Variants in MAPK8IP2 observed in about 807,000 individuals in gnomAD.
The protein encoded by MAPK8IP2 is C-Jun-amino-terminal kinase-interacting protein 2.
Under a neutral mutation model 75.6 loss-of-function variants are expected in MAPK8IP2, and 15 were observed. The observed-to-expected ratio is 0.20, with a 90% confidence interval of 0.13 to 0.31. MAPK8IP2 has a LOEUF of 0.31. Ranked by LOEUF, MAPK8IP2 falls within the 10% of genes least tolerant of loss-of-function variation. MAPK8IP2 has a pLI of 1.00. For missense variants in MAPK8IP2, 1,089 were observed against 1,211.2 expected (o/e 0.90, Z 1.50); for synonymous variants, 632 against 554.5 (o/e 1.14, Z -1.96).
Position 50,607,568 on chromosome 22 carries a change from C to T in MAPK8IP2, c.2303+577C>T, listed in dbSNP as rs568709111. Among the ~76,000 whole-genome samples, 1 of 152,010 alleles carries T rather than the reference C, an allele frequency of 6.6e-6. No homozygotes were observed. The highest frequency in any genetic ancestry group is 2.4e-5 in the African/African-American group (1 of 41,420). On this transcript the variant is annotated intron_variant, in intron 10 of 11. Coordinates refer to ENST00000329492, the MANE Select transcript of MAPK8IP2 (RefSeq NM_012324.6). This position sits in a 1 kb window ranked among gnomAD's most constrained non-coding sequence, Gnocchi z 5.6. ...TGCTGAGGTTATACAGGTGCTATGT[C>T]CTGAGACCAAGTGTGCAGATGCAAG...
At chr22:50,609,348 G>T (rs1206678652) in intron 10 of MAPK8IP2, among the ~76,000 whole-genome samples, 1 of 152,168 alleles carries the variant, frequency 6.6e-6, no homozygotes, top group South Asian at 2.1e-4. Flanking sequence ...TACCTCAGAG[G>T]GCTGTTGTGA....
At position 50,600,902 on chromosome 22, in the gene MAPK8IP2, G is replaced by C; in HGVS notation, c.65+19G>C. 8.4e-7 allele frequency: 1 copy of C among 1,184,228 alleles called. No individual in the cohort carries two copies. The highest frequency in any genetic ancestry group is 1.1e-6 in the Non-Finnish European group (1 of 923,534). 73.4% of individuals were successfully genotyped at this position (1,184,228 alleles called of 1,614,324 possible). A position where few individuals can be genotyped will look rare whatever the true frequency, so the allele number is the denominator to read the frequency against. On this transcript the variant is annotated intron_variant, in intron 1 of 11. Coordinates refer to ENST00000329492, the MANE Select transcript of MAPK8IP2 (RefSeq NM_012324.6). ...GCTGCAGGTACCCCCCTCGGCGCCC[G>C]GGCCGGGCGGACCCTCCGCTCCCTG...
rs756103129 is a variant in MAPK8IP2 at position 50,603,213 on chromosome 22, C to G, written c.172-10C>G. The G allele has an allele frequency of 5.0e-6, 8 of 1,611,966 alleles. 1 individual carries two copies. The highest frequency in any genetic ancestry group is 4.4e-5 in the South Asian group (4 of 90,910). The stretch of plus-strand genomic sequence containing the variant: ...CTGGCCCAGCCCTGCTATCTCCCTC[C>G]GTCCTGCAGGACAGCCTCTCCCTGG... On this transcript the variant is annotated splice_polypyrimidine_tract_variant and intron_variant, in intron 2 of 11. Transcript: ENST00000329492.
intron 10 of MAPK8IP2, chr22:50,609,698 G>A (rs1166467867): frequency 2.0e-6 from 1 of 493,540 alleles, no homozygotes; most frequent in Non-Finnish European, 4.0e-6. Context: ...GAGGAGCTGG[G>A]CAGTGACTCC....
intron 8 of MAPK8IP2, 69 bp from the exon 9 acceptor site, chr22:50,606,589 C>T: frequency 4.6e-6 from 5 of 1,081,332 alleles, no homozygotes; most frequent in Non-Finnish European, 7.0e-6. Context: ...GAGGCGTAGT[C>T]CCACCAAGGG....
Position 50,612,983 on chromosome 22 carries a change from C to T in MAPK8IP2, c.*2204C>T, listed in dbSNP as rs2071175346. ...GTTGGACGTGCTCGTGAGTCCTTCG[C>T]CTGTCTGCCTTCCACCTCTCTGCAG... On this transcript the variant is annotated 3_prime_UTR_variant, in exon 12 of 12. Transcript: ENST00000329492. 1 of 113,986 alleles carries T rather than the reference C, an allele frequency of 8.8e-6. No homozygotes were observed. The highest frequency in any genetic ancestry group is 3.3e-5 in the African/African-American group (1 of 30,522). 7.1% of individuals were successfully genotyped at this position (113,986 alleles called of 1,614,324 possible).
rs557032036 is a variant in MAPK8IP2, at chr22:50,613,477, C to G, written c.*2698C>G. ...CCCTCTTCTGCCTGGATCAAACCAC[C>G]CTGACTTTCCTGGGTCTTCGTGCAA... is the stretch of plus-strand genomic sequence containing the variant. On this transcript the variant is annotated 3_prime_UTR_variant, in exon 12 of 12. Coordinates refer to ENST00000329492, the MANE Select transcript of MAPK8IP2 (RefSeq NM_012324.6). 3 of 152,722 alleles carry G rather than the reference C, an allele frequency of 2.0e-5. No homozygotes were observed. Among genetic ancestry groups the G allele is most frequent in the South Asian group, 4.1e-4 (2 of 4,834 alleles). The allele number at this position is 152,722 out of a possible 1,614,324, so 9.5% of individuals were successfully genotyped here. A position where few individuals can be genotyped will look rare whatever the true frequency, so the allele number is the denominator to read the frequency against.
At position 50,605,447 on chromosome 22, in the gene MAPK8IP2, CG is replaced by C. The variant is rs751250950; in HGVS notation, c.1841+6del. On this transcript the variant is annotated splice_donor_5th_base_variant and intron_variant, in intron 6 of 11. Transcript: ENST00000329492. ...AGACTCACCGGGCTGTGTTCAGGTA[CG>C]GCCTCCCTCCTTGCTGGCGGTGGCC... is the stretch of plus-strand genomic sequence containing the variant. 2.0e-5 allele frequency: 32 copies of C among 1,613,484 alleles called. No individual in the cohort carries two copies. The South Asian group carries it at 3.4e-4, about 17-fold the overall frequency.
intron 5 of MAPK8IP2, 71 bp downstream of exon 5, chr22:50,605,135 T>C: frequency 6.5e-7 from 1 of 1,548,048 alleles, no homozygotes; most frequent in Non-Finnish European, 8.9e-7. Context: ...AGTCCCAGGG[T>C]CCCCCACAGT....
At position 50,607,316 on chromosome 22, in the gene MAPK8IP2, C is replaced by T. The variant is rs4824114; in HGVS notation, c.2303+325C>T. Among the ~76,000 whole-genome samples, 1 of 151,940 alleles carries T rather than the reference C, an allele frequency of 6.6e-6. No individual in the cohort carries two copies. Among genetic ancestry groups the T allele is most frequent in the Non-Finnish European group, 1.5e-5 (1 of 67,970 alleles). On this transcript the variant is annotated intron_variant, in intron 10 of 11. Coordinates refer to ENST00000329492, the MANE Select transcript of MAPK8IP2 (RefSeq NM_012324.6). This position sits in a 1 kb window ranked among gnomAD's most constrained non-coding sequence, Gnocchi z 5.6. ...AGCCTGGAAACACAGCAGGTGACAG[C>T]GGTGGGGAAGTGGATCTTCCTGGTG...
At chr22:50,605,488 TGCCATCACGGAAC>T (rs1569065799) in intron 6 of MAPK8IP2, 45 bp downstream of exon 6, 3 of 1,611,086 alleles carry the variant, frequency 1.9e-6, no homozygotes, top group Admixed American at 3.3e-5. Flanking sequence ...CCTCAGTCCC[TGCCATCACGGAAC>T]GCCAGTGGAC....
chr22:50,605,611 G>T lies in MAPK8IP2; in HGVS notation c.1891G>T (p.Val631Leu). Reference protein sequence around the residue: ...DELELDVDDPVLVEAEEDDFW... With the variant: ...DELELDVDDPLLVEAEEDDFW... ...GCTGGAGCTGGATGTGGATGACCCTGTGTTGGTGGAGGCCGAGGAGGACGA... is the reference window on the plus strand; with the variant it reads ...GCTGGAGCTGGATGTGGATGACCCTTTGTTGGTGGAGGCCGAGGAGGACGA... The change falls in exon 7 of 12, where the codon GTG (valine) becomes TTG (leucine). Residue 631 changes from valine (V) to leucine (L), a missense_variant. By Grantham distance (32) the Val-to-Leu change is conservative (BLOSUM62 1). This residue lies in a region of MAPK8IP2 where 960 missense variants were observed against 1,009.6 expected (regional missense o/e 0.95). Transcript: ENST00000329492. 6.2e-7 allele frequency: 1 copy of T among 1,608,286 alleles called. No individual in the cohort carries two copies. The highest frequency in any genetic ancestry group is 8.5e-7 in the Non-Finnish European group (1 of 1,177,668).
Position 50,604,983 on chromosome 22 carries a change from G to A in MAPK8IP2, c.1684G>A (p.Asp562Asn). Reference sequence around the variant, plus strand: ...GCTAGGCGGCGGTCAGGTCTCGGGGGACACCTCGCCGGACAGCCCTGACCT... The same window carrying A: ...GCTAGGCGGCGGTCAGGTCTCGGGGAACACCTCGCCGGACAGCCCTGACCT... The part of the protein sequence containing the change: ...ALLGGGQVSG[D>N]TSPDSPDLTF... Residue 562 changes from aspartate to asparagine, a missense_variant, in exon 5 of 12, where the codon GAC (aspartate) becomes AAC (asparagine). This residue lies in a region of MAPK8IP2 where 960 missense variants were observed against 1,009.6 expected (regional missense o/e 0.95). Coordinates refer to ENST00000329492, the MANE Select transcript of MAPK8IP2 (RefSeq NM_012324.6). 6.2e-7 allele frequency: 1 copy of A among 1,612,394 alleles called. No individual in the cohort carries two copies. The highest frequency in any genetic ancestry group is 8.5e-7 in the Non-Finnish European group (1 of 1,179,790).
Position 50,610,644 on chromosome 22 carries a change from G to T in MAPK8IP2, c.2403-63G>T. 1.5e-6 allele frequency: 2 copies of T among 1,362,828 alleles called. No homozygotes were observed. The highest frequency in any genetic ancestry group is 1.0e-6 in the Non-Finnish European group (1 of 972,376). The allele number at this position is 1,362,828 out of a possible 1,614,324, so 84.4% of individuals were successfully genotyped here. A position where few individuals can be genotyped will look rare whatever the true frequency, so the allele number is the denominator to read the frequency against. On this transcript the variant is annotated intron_variant, in intron 11 of 11. Transcript: ENST00000329492. The surrounding 1 kb of genome is among the most constrained non-coding windows in gnomAD (Gnocchi z 4.3). The stretch of plus-strand genomic sequence containing the variant: ...AGGAGGGAGAGCTCAGAGGCTCTGT[G>T]GAAGGCAGTTTGGGGGTTGAGGACC...
intron 2 of MAPK8IP2, among the ~76,000 whole-genome samples, chr22:50,602,336 T>C: frequency 6.6e-6 from 1 of 152,256 alleles, no homozygotes; most frequent in East Asian, 1.9e-4. Flanking sequence ...TCCTCCTCCC[T>C]GTCTCTCCAC....
At position 50,610,347 on chromosome 22, in the gene MAPK8IP2, G is replaced by T; in HGVS notation, c.2402+37G>T. On this transcript the variant is annotated intron_variant, in intron 11 of 11. Coordinates refer to ENST00000329492, the MANE Select transcript of MAPK8IP2 (RefSeq NM_012324.6). The surrounding 1 kb of genome is among the most constrained non-coding windows in gnomAD (Gnocchi z 4.3). ...CCCAGGGTGTGGGTGCAGAATGGGTGCAGGGTTACGGAGGTGGGGAGCGGA... is the reference window on the plus strand; with the variant it reads ...CCCAGGGTGTGGGTGCAGAATGGGTTCAGGGTTACGGAGGTGGGGAGCGGA... 6.5e-7 allele frequency: 1 copy of T among 1,533,058 alleles called. No homozygotes were observed. Among genetic ancestry groups the T allele is most frequent in the Non-Finnish European group, 8.9e-7 (1 of 1,124,402 alleles). The allele number at this position is 1,533,058 out of a possible 1,614,324, so 95.0% of individuals were successfully genotyped here.
chr22:50,608,391 G>A (rs1440478320), intron 10 of MAPK8IP2, among the ~76,000 whole-genome samples: 1 of 130,572 alleles, frequency 7.7e-6, no homozygotes, highest in Non-Finnish European at 1.6e-5. Context: ...CAGTGGGCAG[G>A]GGCGCAGACC....
rs971095538 is a variant in MAPK8IP2 at position 50,606,937 on chromosome 22, A to G, written c.2249A>G (p.His750Arg). The change falls in exon 10 of 12, where the codon CAT (histidine) becomes CGT (arginine). Residue 750 changes from histidine to arginine, a missense_variant. Physicochemically the swap from His to Arg is conservative, Grantham distance 29. This residue lies in a region of MAPK8IP2 where 129 missense variants were observed against 201.7 expected (regional missense o/e 0.64). Coordinates refer to ENST00000329492, the MANE Select transcript of MAPK8IP2 (RefSeq NM_012324.6). ...CTGCTCTAGTTCCAGCGCTGCAGCCATTTCTTCCAGATGAAGAACATCTCC... is the reference window on the plus strand; with the variant it reads ...CTGCTCTAGTTCCAGCGCTGCAGCCGTTTCTTCCAGATGAAGAACATCTCC... ...GGGPEFQRCSHFFQMKNISFC... is the reference protein window; with the variant it reads ...GGGPEFQRCSRFFQMKNISFC... 1.1e-5 allele frequency: 17 copies of G among 1,613,818 alleles called. No individual in the cohort carries two copies. Among genetic ancestry groups the G allele is most frequent in the South Asian group, 2.2e-5 (2 of 91,084 alleles).
In MAPK8IP2 at chr22:50,613,741, G is replaced by GA. The variant is rs2071185083; in HGVS notation, c.*2962_*2963insA. On this transcript the variant is annotated 3_prime_UTR_variant, in exon 12 of 12. Coordinates refer to ENST00000329492, the MANE Select transcript of MAPK8IP2 (RefSeq NM_012324.6). ...GCTGCCCTTCCCTGTTTGTCACTGG[G>GA]TGACCTCCCGTCCTTGTGGGCGCTC... 6.6e-6 allele frequency: 1 copy of GA among 152,232 alleles called. No individual in the cohort carries two copies. Among genetic ancestry groups the GA allele is most frequent in the African/African-American group, 2.4e-5 (1 of 41,452 alleles). The allele number at this position is 152,232 out of a possible 1,614,324, so 9.4% of individuals were successfully genotyped here. A position where few individuals can be genotyped will look rare whatever the true frequency, so the allele number is the denominator to read the frequency against.
Sources: gnomAD v4.1 joint callset for allele counts (sites outside exome capture counted in the v4.1 genomes callset) on GRCh38, gnomAD v4.1.1 for gene constraint, gnomAD v4.1.1 regional missense constraint, Gnocchi (gnomAD v3.1) non-coding constraint, MANE v1.5 for transcripts, NCBI Gene and HGNC (gene_info 2026-07-23, HGNC 2026-07-21) for gene names.